The following NFKB1 variants were observed in gnomAD, a reference collection of about 807,000 sequenced individuals.
NFKB1 encodes the protein nuclear factor NF-kappa-B p105 subunit.
Under a neutral mutation model 105.1 loss-of-function variants are expected in NFKB1, and 9 were observed. The observed-to-expected ratio is 0.09, with a 90% CI of 0.05 to 0.15. The LOEUF (loss-of-function observed/expected upper bound fraction) is 0.15. Ranked by LOEUF, NFKB1 falls within the 10% of genes least tolerant of loss-of-function variation. The pLI is 1.00. For missense variants in NFKB1, 830 were observed against 1,203.7 expected (o/e 0.69, Z 4.59); for synonymous variants, 440 against 442.2 (o/e 1.00, Z 0.06).
chr4:102,584,875 T>TTTTTG lies in NFKB1; in HGVS notation c.1066+76_1066+80dup, dbSNP rs548436039. ...ATATTTTATTTTATTTTATTTTTGG[T>TTTTTG]TTTTGTTTTGTTTTGTTTTGTTTTG... On this transcript the variant is annotated intron_variant, in intron 11 of 23. Coordinates refer to ENST00000226574, the MANE Select transcript of NFKB1 (RefSeq NM_003998.4). The TTTTTG allele has an allele frequency of 3.0e-4, 449 of 1,515,546 alleles. 1 individual carries two copies. Among genetic ancestry groups the TTTTTG allele is most frequent in the South Asian group, 1.7e-3 (133 of 79,008 alleles). 93.9% of individuals were successfully genotyped at this position (1,515,546 alleles called of 1,614,324 possible). A position where few individuals can be genotyped will look rare whatever the true frequency, so the allele number is the denominator to read the frequency against.
At chr4:102,534,024 A>G (rs1237744832) in intron 4 of NFKB1, 139 bp downstream of exon 4, 9 of 704,214 alleles carry the variant, frequency 1.3e-5, no homozygotes, top group Non-Finnish European at 2.1e-5. Context: ...ATTATGTAAC[A>G]GCTTTATTCA....
chr4:102,607,423 G>A, intron 18 of NFKB1, 104 bp downstream of exon 18: 1 of 1,312,286 alleles, frequency 7.6e-7, no homozygotes, highest in Non-Finnish European at 1.1e-6. Context: ...CTTACAATCA[G>A]CTCTATTTGT....
chr4:102,608,051 T>A (rs1331335631), intron 19 of NFKB1, among the ~76,000 whole-genome samples: 1 of 152,218 alleles, frequency 6.6e-6, no homozygotes, highest in Non-Finnish European at 1.5e-5. Context: ...AGAGTTTGAT[T>A]CCTTATAGAA....
At chr4:102,595,552 A>C (rs1305779795) in intron 13 of NFKB1, among the ~76,000 whole-genome samples, 1 of 152,234 alleles carries the variant, frequency 6.6e-6, no homozygotes, top group Non-Finnish European at 1.5e-5. Context: ...GGAAAATAGT[A>C]ACTCCATTTT....
At chr4:102,537,001 A>C (rs4647998) in intron 4 of NFKB1, among the ~76,000 whole-genome samples, 6 of 152,184 alleles carry the variant, frequency 3.9e-5, no homozygotes, top group African/African-American at 1.4e-4. Flanking sequence ...TATTCTTTGT[A>C]TACAAATATG....
At chr4:102,530,377 G>A (rs1042262601) in intron 3 of NFKB1, among the ~76,000 whole-genome samples, 5 of 152,104 alleles carry the variant, frequency 3.3e-5, no homozygotes, top group Middle Eastern at 3.4e-3. Flanking sequence ...TTATAACTTT[G>A]CACTCTGACA....
At chr4:102,505,877 AT>A (rs35477220) in intron 1 of NFKB1, among the ~76,000 whole-genome samples, 13,416 of 151,782 alleles carry the variant, frequency 0.088, 688 homozygotes, top group Middle Eastern at 0.16. Flanking sequence ...TTGTTGCAAA[AT>A]TTTTTTTTAA....
rs758387960 is a variant in NFKB1, at chr4:102,529,965, A to G, written c.118+51A>G. 3.8e-6 allele frequency: 5 copies of G among 1,330,820 alleles called. No individual in the cohort carries two copies. The Admixed American group carries it at 7.6e-5, about 20-fold the overall frequency. 82.4% of individuals were successfully genotyped at this position (1,330,820 alleles called of 1,614,324 possible). On this transcript the variant is annotated intron_variant, in intron 3 of 23. Coordinates refer to ENST00000226574, the MANE Select transcript of NFKB1 (RefSeq NM_003998.4). ...TGTTGTTCTGCTTTCAGTCTTAGTA[A>G]AATGCAGGATTTGTTAATAGTCTGT...
chr4:102,515,056 T>C (rs1364076792), intron 1 of NFKB1, among the ~76,000 whole-genome samples: 1 of 151,318 alleles, frequency 6.6e-6, no homozygotes, highest in African/African-American at 2.4e-5. Context: ...TGATCATCTC[T>C]GTCTTCTAGA....
chr4:102,611,471 G>A (rs1445967151), intron 20 of NFKB1, among the ~76,000 whole-genome samples: 1 of 152,236 alleles, frequency 6.6e-6, no homozygotes, highest in Non-Finnish European at 1.5e-5. Context: ...CAGCAACAGA[G>A]TGACTGCAGA....
intron 11 of NFKB1, among the ~76,000 whole-genome samples, chr4:102,591,619 A>G (rs1037251020): frequency 6.6e-6 from 1 of 152,140 alleles, no homozygotes; most frequent in Non-Finnish European, 1.5e-5. Flanking sequence ...GGTTTACTGA[A>G]TATTTTTAAA....
rs1726722041 is a variant in NFKB1 at position 102,597,466 on chromosome 4, C to A, written c.1496-54C>A. 3 of 1,549,564 alleles carry A rather than the reference C, an allele frequency of 1.9e-6. No individual in the cohort carries two copies. The South Asian group carries it at 3.7e-5, about 19-fold the overall frequency. Reference sequence around the variant, plus strand: ...TCAGTTTGTCCTTAAGCATGCCATACCCATAAAACAAAAGTAGGAACACTC... The same window carrying A: ...TCAGTTTGTCCTTAAGCATGCCATAACCATAAAACAAAAGTAGGAACACTC... On this transcript the variant is annotated intron_variant, in intron 14 of 23. Coordinates refer to ENST00000226574, the MANE Select transcript of NFKB1 (RefSeq NM_003998.4).
At chr4:102,548,488 T>C (rs1028334288) in intron 5 of NFKB1, among the ~76,000 whole-genome samples, 1 of 152,046 alleles carries the variant, frequency 6.6e-6, no homozygotes, top group African/African-American at 2.4e-5. Context: ...CTGCTTTAGG[T>C]ATGAGAAAGT....
chr4:102,576,383 C>A (rs757913192), intron 6 of NFKB1, among the ~76,000 whole-genome samples: 1 of 152,092 alleles, frequency 6.6e-6, no homozygotes, highest in Non-Finnish European at 1.5e-5. Flanking sequence ...TAATACAGCT[C>A]CCATAGAAAA....
intron 6 of NFKB1, among the ~76,000 whole-genome samples, chr4:102,574,454 G>T (rs1053908895): frequency 6.6e-6 from 1 of 151,894 alleles, no homozygotes; most frequent in African/African-American, 2.4e-5. Context: ...CTCAGCTGAA[G>T]ACTCCAGTGA....
At chr4:102,565,752 GTCTC>G (rs1349576242) in intron 5 of NFKB1, among the ~76,000 whole-genome samples, 1 of 150,254 alleles carries the variant, frequency 6.7e-6, no homozygotes, top group African/African-American at 2.5e-5. Context: ...TTTTCTCTCT[GTCTC>G]TCTTTCTTTC....
At position 102,509,064 on chromosome 4, in the gene NFKB1, A is replaced by G. The variant is rs144279088; in HGVS notation, c.-8+7276A>G. Among the ~76,000 whole-genome samples the G allele has an allele frequency of 1.0e-3, 154 of 152,318 alleles. 2 individuals are homozygous for G. The highest frequency in any genetic ancestry group is 3.6e-3 in the African/African-American group (151 of 41,576). Reference sequence around the variant, plus strand: ...CTGGTAAGAATGGACTTTTCACCACATTATGAAAAAACACTTTAGAAGTCA... The same window carrying G: ...CTGGTAAGAATGGACTTTTCACCACGTTATGAAAAAACACTTTAGAAGTCA... On this transcript the variant is annotated intron_variant, in intron 1 of 23. Coordinates refer to ENST00000226574, the MANE Select transcript of NFKB1 (RefSeq NM_003998.4).
chr4:102,514,738 G>A (rs113417051), intron 1 of NFKB1, among the ~76,000 whole-genome samples: 14 of 151,980 alleles, frequency 9.2e-5, no homozygotes, highest in Non-Finnish European at 1.6e-4. Context: ...GTTCTGCCAC[G>A]TTTTTGCTTC....
chr4:102,512,585 C>T (rs1005537226), intron 1 of NFKB1, among the ~76,000 whole-genome samples: 1 of 151,998 alleles, frequency 6.6e-6, no homozygotes, highest in African/African-American at 2.4e-5. Flanking sequence ...AAGGCTTGTC[C>T]CCAAATACCT....
Sources: allele counts gnomAD v4.1 joint callset (sites outside exome capture counted in the v4.1 genomes callset), GRCh38; gene constraint gnomAD v4.1.1; transcripts MANE v1.5; gene names NCBI Gene and HGNC (gene_info 2026-07-23, HGNC 2026-07-21).